Variants in SUPT3H observed in about 807,000 individuals in gnomAD.
SUPT3H encodes transcription initiation protein SPT3 homolog.
In SUPT3H, 44 loss-of-function variants were observed where a neutral mutation model predicts 44.3. That is an observed-to-expected ratio of 0.99 (90% CI 0.78 to 1.28). The LOEUF (loss-of-function observed/expected upper bound fraction) is 1.28, where lower values mean the gene tolerates loss of function less well. Ranked by LOEUF, SUPT3H falls within the 50% of genes most tolerant of loss-of-function variation. The pLI is 0.00. For synonymous variants in SUPT3H, 124 were observed against 125.6 expected, an observed-to-expected ratio of 0.99 and a Z score of 0.09; for missense variants, 380 against 387.1, an observed-to-expected ratio of 0.98 and a Z score of 0.15.
At chr6:45,107,938 T>C (rs1292197713) in intron 2 of SUPT3H, among the ~76,000 whole-genome samples, 1 of 150,848 alleles carries the variant, frequency 6.6e-6, no homozygotes, top group Non-Finnish European at 1.5e-5. Flanking sequence ...ACCAAATGCT[T>C]AGTCATTTTT....
intron 1 of SUPT3H, among the ~76,000 whole-genome samples, chr6:45,365,603 T>C (rs117505451): frequency 1.3e-5 from 2 of 149,804 alleles, no homozygotes; most frequent in East Asian, 2.0e-4. Context: ...CTAGAGCTCA[T>C]TGGTTTTCAA....
At chr6:45,181,936 G>C (rs1226780932) in intron 2 of SUPT3H, among the ~76,000 whole-genome samples, 1 of 151,870 alleles carries the variant, frequency 6.6e-6, no homozygotes, top group African/African-American at 2.4e-5. Context: ...AACTGCTTTT[G>C]AAAGTGCTAA....
intron 2 of SUPT3H, among the ~76,000 whole-genome samples, chr6:45,312,476 C>T (rs189018752): frequency 6.8e-6 from 1 of 146,496 alleles, no homozygotes; most frequent in African/African-American, 2.6e-5. Flanking sequence ...GATCGTGCCA[C>T]TGCACTCCAG....
intron 2 of SUPT3H, among the ~76,000 whole-genome samples, chr6:45,189,211 G>A (rs1327901649): frequency 6.6e-6 from 1 of 152,176 alleles, no homozygotes; most frequent in Non-Finnish European, 1.5e-5. Context: ...CAACTTTTAT[G>A]AGTGAGAAAC....
At chr6:45,280,758 C>T (rs1189062648) in intron 2 of SUPT3H, among the ~76,000 whole-genome samples, 4 of 152,020 alleles carry the variant, frequency 2.6e-5, no homozygotes, top group Admixed American at 6.5e-5. Context: ...GAGTGGTAAC[C>T]ATGGGATAAA....
At chr6:44,887,664 C>G (rs1447753136) in intron 10 of SUPT3H, among the ~76,000 whole-genome samples, 11 of 151,448 alleles carry the variant, frequency 7.3e-5, no homozygotes, top group Non-Finnish European at 1.6e-4. Flanking sequence ...CAAGAGAAAG[C>G]AGGAAAGATC....
chr6:45,151,664 G>A (rs920447061), intron 2 of SUPT3H, among the ~76,000 whole-genome samples: 1 of 152,112 alleles, frequency 6.6e-6, no homozygotes, highest in Non-Finnish European at 1.5e-5. Context: ...TAATTATGAC[G>A]TAAAAATGTA....
At chr6:45,361,333 C>T (rs183644564) in intron 2 of SUPT3H, among the ~76,000 whole-genome samples, 22 of 152,052 alleles carry the variant, frequency 1.4e-4, no homozygotes, top group African/African-American at 2.9e-4. Flanking sequence ...TTTTTAAAAA[C>T]GTGGTGACAT....
intron 9 of SUPT3H, among the ~76,000 whole-genome samples, chr6:44,950,846 AT>A (rs1645744202): frequency 1.2e-5 from 1 of 80,534 alleles, no homozygotes. Flanking sequence ...ATTATTTTTT[AT>A]TTATTTTTTA....
chr6:44,824,734 ACT>A (rs1313594316), downstream of SUPT3H, among the ~76,000 whole-genome samples: 2 of 151,432 alleles, frequency 1.3e-5, no homozygotes, highest in African/African-American at 4.9e-5. Flanking sequence ...GAGAGACCTG[ACT>A]CTCTCTCTCT....
chr6:45,133,116 C>T (rs1803736163), intron 2 of SUPT3H, among the ~76,000 whole-genome samples: 1 of 152,134 alleles, frequency 6.6e-6, no homozygotes, highest in African/African-American at 2.4e-5. Flanking sequence ...TTATTTCTTG[C>T]CCAATTCTAC....
At chr6:44,925,531 C>T (rs1769384380) in intron 10 of SUPT3H, among the ~76,000 whole-genome samples, 1 of 152,186 alleles carries the variant, frequency 6.6e-6, no homozygotes, top group South Asian at 2.1e-4. Context: ...TGTCATCACA[C>T]TCGGCAAACA....
chr6:45,028,015 T>A (rs932819607), intron 3 of SUPT3H, among the ~76,000 whole-genome samples: 3 of 152,240 alleles, frequency 2.0e-5, no homozygotes, highest in African/African-American at 7.2e-5. Flanking sequence ...TGAAGGTCTA[T>A]CTTGAAATAT....
chr6:45,184,749 C>T (rs904059754), intron 2 of SUPT3H, among the ~76,000 whole-genome samples: 3 of 140,294 alleles, frequency 2.1e-5, no homozygotes, highest in Non-Finnish European at 3.0e-5. Flanking sequence ...GAGAAGACTC[C>T]GATGTAGAAC....
Position 44,887,393 on chromosome 6 carries a change from A to G in SUPT3H, c.912+45260T>C, listed in dbSNP as rs569874836. 2.0e-5 allele frequency among the ~76,000 whole-genome samples: 3 copies of G among 152,318 alleles called. No individual in the cohort carries two copies. The East Asian group carries it at 5.8e-4, about 29-fold the overall frequency. On this transcript the variant is annotated intron_variant, in intron 10 of 10. Transcript: ENST00000371459. ...ATAAAGCTCTCCTCAGCAAATGTAAAAGAACAGAAATTATAACAAACTGTC... is the reference window on the plus strand; with the variant it reads ...ATAAAGCTCTCCTCAGCAAATGTAAGAGAACAGAAATTATAACAAACTGTC...
chr6:44,842,340 T>G (rs1195160957), intron 10 of SUPT3H, among the ~76,000 whole-genome samples: 1 of 152,162 alleles, frequency 6.6e-6, no homozygotes, highest in Non-Finnish European at 1.5e-5. Context: ...CTTAGATGTC[T>G]GTGTGTATCA....
chr6:44,849,448 C>T (rs529728970), intron 10 of SUPT3H, among the ~76,000 whole-genome samples: 17 of 151,788 alleles, frequency 1.1e-4, no homozygotes, highest in East Asian at 3.9e-4. Context: ...GGGATGGTCT[C>T]GATCTCCTGA....
chr6:45,300,124 C>T (rs1781920080), intron 2 of SUPT3H, among the ~76,000 whole-genome samples: 1 of 152,110 alleles, frequency 6.6e-6, no homozygotes, highest in South Asian at 2.1e-4. Context: ...AAAGGGACAA[C>T]CAAAAGCTTA....
chr6:45,295,506 G>A (rs374283711), intron 2 of SUPT3H, among the ~76,000 whole-genome samples: 6 of 67,500 alleles, frequency 8.9e-5, no homozygotes, highest in Non-Finnish European at 1.4e-4. Context: ...TTAATTAAAC[G>A]AAAGAGCTTT....
Sources: gnomAD v4.1 joint callset for allele counts (sites outside exome capture counted in the v4.1 genomes callset) on GRCh38, gnomAD v4.1.1 for gene constraint, MANE v1.5 for transcripts, NCBI Gene and HGNC (gene_info 2026-07-23, HGNC 2026-07-21) for gene names.